The following UBE2H variants were observed in gnomAD, a reference collection of about 807,000 sequenced individuals.
UBE2H encodes the protein ubiquitin conjugating enzyme E2 H.
In UBE2H, 3 loss-of-function variants were observed where a neutral mutation model predicts 29.0. The observed-to-expected ratio is 0.10, with a 90% CI of 0.05 to 0.27. UBE2H has a LOEUF of 0.27. UBE2H is among the 10% of genes least tolerant of loss of function. UBE2H has a pLI of 1.00. For synonymous variants in UBE2H, 69 were observed against 82.9 expected, an observed-to-expected ratio of 0.83 and a Z score of 0.91; for missense variants, 68 against 228.2, an observed-to-expected ratio of 0.30 and a Z score of 4.52.
At chr7:129,891,128 T>G (rs1307918111) in intron 1 of UBE2H, among the ~76,000 whole-genome samples, 2 of 138,584 alleles carry the variant, frequency 1.4e-5, no homozygotes, top group East Asian at 2.0e-4. Context: ...AGAGCAAGAC[T>G]CTCTCAAAAA....
intron 5 of UBE2H, among the ~76,000 whole-genome samples, chr7:129,854,313 T>A (rs1472482167): frequency 6.6e-6 from 1 of 152,210 alleles, no homozygotes; most frequent in Non-Finnish European, 1.5e-5. Flanking sequence ...ATAATTGTAT[T>A]TACCTGTTCC....
chr7:129,929,498 T>TA (rs1426021638), intron 1 of UBE2H, among the ~76,000 whole-genome samples: 5 of 152,060 alleles, frequency 3.3e-5, no homozygotes, highest in African/African-American at 1.2e-4. Context: ...AGCTGCCCAT[T>TA]AGACTATGAC....
At chr7:129,896,831 T>A (rs1373566782) in intron 1 of UBE2H, among the ~76,000 whole-genome samples, 1 of 152,224 alleles carries the variant, frequency 6.6e-6, no homozygotes, top group Non-Finnish European at 1.5e-5. Flanking sequence ...GACCTTTTAA[T>A]CAGGCATTTA....
chr7:129,916,443 A>G (rs1260997480), intron 1 of UBE2H, among the ~76,000 whole-genome samples: 2 of 142,476 alleles, frequency 1.4e-5, no homozygotes, highest in African/African-American at 5.1e-5. Context: ...AAAAAAAAAG[A>G]AGCCATTTAT....
At chr7:129,857,359 A>AT in intron 5 of UBE2H, 152 bp downstream of exon 5, 4 of 710,090 alleles carry the variant, frequency 5.6e-6, no homozygotes, top group Non-Finnish European at 9.3e-6. Flanking sequence ...AAGAGAAAAC[A>AT]TTTTTTCCAC....
chr7:129,914,823 A>G (rs1807011652), intron 1 of UBE2H, among the ~76,000 whole-genome samples: 1 of 152,210 alleles, frequency 6.6e-6, no homozygotes, highest in Non-Finnish European at 1.5e-5. Flanking sequence ...CAGCTCTGCA[A>G]CTTACTTGGC....
chr7:129,863,811 T>TG (rs1170000445), intron 3 of UBE2H, among the ~76,000 whole-genome samples: 1 of 150,820 alleles, frequency 6.6e-6, no homozygotes, highest in Non-Finnish European at 1.5e-5. Flanking sequence ...ACTAGGTGTT[T>TG]TTTTTTTTTT....
intron 1 of UBE2H, among the ~76,000 whole-genome samples, chr7:129,917,792 A>G (rs944977443): frequency 1.3e-5 from 2 of 152,238 alleles, no homozygotes; most frequent in African/African-American, 4.8e-5. Context: ...AAGGTTTAAA[A>G]AAGTTAACCT....
intron 1 of UBE2H, among the ~76,000 whole-genome samples, chr7:129,898,030 T>G (rs932785703): frequency 2.6e-5 from 4 of 151,988 alleles, no homozygotes; most frequent in East Asian, 3.9e-4. Flanking sequence ...AAAAAACCCA[T>G]AGTGAAAATA....
At chr7:129,885,115 T>C (rs1244028187) in intron 1 of UBE2H, among the ~76,000 whole-genome samples, 3 of 151,366 alleles carry the variant, frequency 2.0e-5, no homozygotes, top group Non-Finnish European at 2.9e-5. Flanking sequence ...CTACTAATAG[T>C]GTGTACTGGT....
At chr7:129,858,324 C>T (rs1175378028) in intron 4 of UBE2H, among the ~76,000 whole-genome samples, 1 of 152,074 alleles carries the variant, frequency 6.6e-6, no homozygotes, top group East Asian at 1.9e-4. Context: ...GCAGAAAAAC[C>T]TGTTAGGTAT....
chr7:129,848,496 T>A (rs531291885), intron 5 of UBE2H, among the ~76,000 whole-genome samples: 3 of 152,204 alleles, frequency 2.0e-5, no homozygotes, highest in Non-Finnish European at 2.9e-5. Flanking sequence ...GAGGAAAACA[T>A]GGACAAAAAT....
intron 1 of UBE2H, among the ~76,000 whole-genome samples, chr7:129,913,969 T>C (rs372626342): frequency 6.6e-6 from 1 of 152,230 alleles, no homozygotes; most frequent in African/African-American, 2.4e-5. Flanking sequence ...ATCTGGACAC[T>C]AGGAAACACA....
intron 1 of UBE2H, among the ~76,000 whole-genome samples, chr7:129,927,456 C>T (rs979104658): frequency 2.6e-5 from 4 of 152,158 alleles, no homozygotes; most frequent in Non-Finnish European, 4.4e-5. Flanking sequence ...CAGAGAATTG[C>T]TTGAACCCTG....
At chr7:129,945,016 C>CA (rs1162271571) in intron 1 of UBE2H, among the ~76,000 whole-genome samples, 1 of 151,576 alleles carries the variant, frequency 6.6e-6, no homozygotes, top group Non-Finnish European at 1.5e-5. Context: ...AGAACCCACA[C>CA]AAAAAGAGTA....
At chr7:129,937,549 A>G (rs1807556918) in intron 1 of UBE2H, among the ~76,000 whole-genome samples, 1 of 152,226 alleles carries the variant, frequency 6.6e-6, no homozygotes, top group Non-Finnish European at 1.5e-5. Context: ...TGGATAAAAA[A>G]GATGAGTGGA....
intron 1 of UBE2H, among the ~76,000 whole-genome samples, chr7:129,928,597 C>T (rs532583369): frequency 3.9e-5 from 6 of 152,172 alleles, no homozygotes; most frequent in South Asian, 4.2e-4. Context: ...AGCGAGACTC[C>T]GTCTCAAAAA....
At chr7:129,853,373 A>T (rs1563022768) in intron 5 of UBE2H, among the ~76,000 whole-genome samples, 1 of 152,222 alleles carries the variant, frequency 6.6e-6, no homozygotes, top group East Asian at 1.9e-4. Context: ...TATGTTTCTC[A>T]GAGCTTCTGT....
At chr7:129,915,721 G>T (rs1036118041) in intron 1 of UBE2H, among the ~76,000 whole-genome samples, 5 of 152,142 alleles carry the variant, frequency 3.3e-5, no homozygotes, top group African/African-American at 1.2e-4. Flanking sequence ...GCCCGTACCT[G>T]TGGCCAAAGC....
Sources: allele counts gnomAD v4.1 joint callset (sites outside exome capture counted in the v4.1 genomes callset), GRCh38; gene constraint gnomAD v4.1.1; transcripts MANE v1.5; gene names NCBI Gene and HGNC (gene_info 2026-07-23, HGNC 2026-07-21).